The following MAST2 variants were observed in gnomAD, a reference collection of about 807,000 sequenced individuals.
MAST2 encodes microtubule-associated serine/threonine-protein kinase 2.
A neutral mutation model predicts 147.4 loss-of-function variants in MAST2; 70 were observed. The ratio of observed to expected loss-of-function variants is 0.47; its 90% CI spans 0.39 to 0.58. The LOEUF is 0.58. MAST2 is among the 20% of genes least tolerant of loss of function. The pLI is 0.00. For missense variants in MAST2, 2,080 were observed against 2,302.3 expected (o/e 0.90, Z 1.98); for synonymous variants, 869 against 896.8 (o/e 0.97, Z 0.55).
intron 6 of MAST2, among the ~76,000 whole-genome samples, chr1:46,001,613 T>C (rs373508761): frequency 1.1e-4 from 17 of 152,240 alleles, no homozygotes; most frequent in African/African-American, 4.1e-4. Flanking sequence ...TCCAGCAGAG[T>C]TATAGCCTAT....
chr1:46,019,377 G>A (rs1217964513), intron 10 of MAST2, among the ~76,000 whole-genome samples: 1 of 152,148 alleles, frequency 6.6e-6, no homozygotes, highest in Non-Finnish European at 1.5e-5. Flanking sequence ...ATGTCTGTGT[G>A]GCATTTCTTG....
In MAST2 at chr1:45,880,978, AAAAAG is replaced by A. The variant is rs1182101225; in HGVS notation, c.469-1376_469-1372del. On this transcript the variant is annotated intron_variant, in intron 3 of 28. Transcript: ENST00000361297. ...TGAGACTCCATCTCAAAAAAAAAAA[AAAAAG>A]AAAAGAAAAAAGCAAATCTATAAAA... Among the ~76,000 whole-genome samples, 176 of 151,844 alleles carry A rather than the reference AAAAAG, an allele frequency of 1.2e-3. 1 individual carries two copies. Among genetic ancestry groups the A allele is most frequent in the African/African-American group, 4.2e-3 (173 of 41,442 alleles).
chr1:45,826,031 C>T (rs1401699039), intron 2 of MAST2, among the ~76,000 whole-genome samples: 1 of 152,034 alleles, frequency 6.6e-6, no homozygotes, highest in Non-Finnish European at 1.5e-5. Context: ...AGCATCATTA[C>T]ACTCCAGCTG....
chr1:45,867,188 A>G (rs1036793790), intron 3 of MAST2, among the ~76,000 whole-genome samples: 29 of 152,368 alleles, frequency 1.9e-4, no homozygotes, highest in African/African-American at 7.0e-4. Flanking sequence ...TAATATAAAG[A>G]TTTAAAGGTA....
intron 1 of MAST2, among the ~76,000 whole-genome samples, chr1:45,820,189 A>G (rs907633750): frequency 2.0e-5 from 3 of 152,226 alleles, no homozygotes; most frequent in African/African-American, 7.2e-5. Context: ...ATCTCTTCCC[A>G]TATACAAAAA....
chr1:45,881,808 A>G (rs1449431767), intron 3 of MAST2, among the ~76,000 whole-genome samples: 1 of 151,958 alleles, frequency 6.6e-6, no homozygotes, highest in Non-Finnish European at 1.5e-5. Flanking sequence ...TGTTGCATGT[A>G]TTCTATGAGA....
intron 3 of MAST2, among the ~76,000 whole-genome samples, chr1:45,845,732 C>T (rs1645410068): frequency 6.6e-6 from 1 of 152,138 alleles, no homozygotes; most frequent in South Asian, 2.1e-4. Context: ...AAATAATATA[C>T]AATTAAAAGG....
intron 2 of MAST2, among the ~76,000 whole-genome samples, chr1:45,827,335 T>C (rs1644824210): frequency 6.6e-6 from 1 of 152,258 alleles, no homozygotes; most frequent in African/African-American, 2.4e-5. Flanking sequence ...TGTTTGTTTA[T>C]GTTGTTCCTT....
intron 5 of MAST2, among the ~76,000 whole-genome samples, chr1:45,968,937 A>T: frequency 6.8e-6 from 1 of 147,452 alleles, no homozygotes; most frequent in African/African-American, 2.5e-5. Flanking sequence ...CTGTTATCAT[A>T]TCCTCAAGAT....
rs556017082 is a variant in MAST2, at chr1:46,003,472, A to G, written c.747+589A>G. On this transcript the variant is annotated intron_variant, in intron 7 of 28. Coordinates refer to ENST00000361297, the MANE Select transcript of MAST2 (RefSeq NM_015112.3). ...ACAATTGACCCTTAAGCCCTCATTG[A>G]GCAACTTTTTTTTTTTTGAAAGAGT... Among the ~76,000 whole-genome samples, 43 of 152,062 alleles carry G rather than the reference A, an allele frequency of 2.8e-4. No homozygotes were observed. The South Asian group carries it at 7.5e-3, about 26-fold the overall frequency.
chr1:46,000,038 G>A (rs1645209656), intron 6 of MAST2, among the ~76,000 whole-genome samples: 1 of 152,226 alleles, frequency 6.6e-6, no homozygotes, highest in African/African-American at 2.4e-5. Flanking sequence ...AGAGGGCCGG[G>A]CACAGTGGCT....
chr1:45,976,202 C>A (rs1190000245), intron 5 of MAST2, among the ~76,000 whole-genome samples: 1 of 152,052 alleles, frequency 6.6e-6, no homozygotes, highest in Non-Finnish European at 1.5e-5. Context: ...CTTTTGAACT[C>A]CTGACCTCAG....
At position 46,035,711 on chromosome 1, in the gene MAST2, C is replaced by T. The variant is rs746559011; in HGVS notation, c.5042C>T (p.Ala1681Val). Reference sequence around the variant, plus strand: ...AAGGCAACCATGGCAGGTGGGCTAGCCAACCTCCAGGATTTGGAAAACACA... The same window carrying T: ...AAGGCAACCATGGCAGGTGGGCTAGTCAACCTCCAGGATTTGGAAAACACA... ...SRKATMAGGL[A>V]NLQDLENTTP... The change falls in exon 29 of 29, where the codon GCC becomes GTC. Residue 1681 changes from alanine to valine, a missense_variant. This residue lies in a region of MAST2 where 1,278 missense variants were observed against 1,304.2 expected (regional missense o/e 0.98). Coordinates refer to ENST00000361297, the MANE Select transcript of MAST2 (RefSeq NM_015112.3). The surrounding 1 kb of genome is among the most constrained non-coding windows in gnomAD (Gnocchi z 5.5). The T allele has an allele frequency of 6.6e-5, 106 of 1,613,860 alleles. No individual in the cohort carries two copies. Among genetic ancestry groups the T allele is most frequent in the Non-Finnish European group, 8.4e-5 (99 of 1,180,028 alleles).
At chr1:45,843,932 T>A (rs999204707) in intron 3 of MAST2, among the ~76,000 whole-genome samples, 1 of 152,222 alleles carries the variant, frequency 6.6e-6, no homozygotes, top group East Asian at 1.9e-4. Flanking sequence ...ACACATTAAA[T>A]ACTTTGCCTG....
At chr1:45,917,263 C>A (rs892155911) in intron 4 of MAST2, 1 of 1,046,938 alleles carries the variant, frequency 9.6e-7, no homozygotes, top group Non-Finnish European at 1.3e-6. Context: ...CTAAACCAAG[C>A]CACTTTGAAT....
chr1:45,894,842 C>T (rs2148430938), intron 4 of MAST2, among the ~76,000 whole-genome samples: 1 of 152,090 alleles, frequency 6.6e-6, no homozygotes, highest in East Asian at 1.9e-4. Context: ...AGATGCAGTG[C>T]ATTTTTAGTG....
At position 46,022,986 on chromosome 1, in the gene MAST2, C is replaced by T. The variant is rs1023089019; in HGVS notation, c.1485+15C>T. Reference sequence around the variant, plus strand: ...ATTCTATTGAGGTAAAAACCCTGAGCTCCTACCCCATTCCTGGAGCCTGGG... The same window carrying T: ...ATTCTATTGAGGTAAAAACCCTGAGTTCCTACCCCATTCCTGGAGCCTGGG... On this transcript the variant is annotated intron_variant, in intron 13 of 28. Coordinates refer to ENST00000361297, the MANE Select transcript of MAST2 (RefSeq NM_015112.3). 3 of 1,612,038 alleles carry T rather than the reference C, an allele frequency of 1.9e-6. No individual in the cohort carries two copies. The highest frequency in any genetic ancestry group is 2.5e-6 in the Non-Finnish European group (3 of 1,178,176).
intron 5 of MAST2, among the ~76,000 whole-genome samples, chr1:45,981,517 C>G (rs1347482084): frequency 6.6e-6 from 1 of 152,100 alleles, no homozygotes; most frequent in Non-Finnish European, 1.5e-5. Context: ...AACTCCTGAG[C>G]CATAATTTTT....
chr1:45,924,160 C>T (rs1653982508), intron 4 of MAST2, among the ~76,000 whole-genome samples: 1 of 152,176 alleles, frequency 6.6e-6, no homozygotes, highest in Non-Finnish European at 1.5e-5. Flanking sequence ...TGAGCCACCA[C>T]ACTCGGCAAA....
Sources: gnomAD v4.1 joint callset for allele counts (sites outside exome capture counted in the v4.1 genomes callset) on GRCh38, gnomAD v4.1.1 for gene constraint, gnomAD v4.1.1 regional missense constraint, Gnocchi (gnomAD v3.1) non-coding constraint, MANE v1.5 for transcripts, NCBI Gene and HGNC (gene_info 2026-07-23, HGNC 2026-07-21) for gene names.